Variants in COL19A1 observed in about 807,000 individuals in gnomAD.
The protein encoded by COL19A1 is collagen alpha-1(XIX) chain.
Under a neutral mutation model 190.2 loss-of-function variants are expected in COL19A1, and 159 were observed. That is an observed-to-expected ratio of 0.84 (90% CI 0.73 to 0.95). COL19A1 has a LOEUF of 0.95. Ranked by LOEUF, COL19A1 falls within the 40% of genes least tolerant of loss-of-function variation. The pLI is 0.00. For missense variants in COL19A1, 1,418 were observed against 1,431.9 expected (o/e 0.99, Z 0.16); for synonymous variants, 509 against 458.9 (o/e 1.11, Z -1.39).
intron 11 of COL19A1, among the ~76,000 whole-genome samples, chr6:70,007,240 T>TAATATCC (rs1777690938): frequency 6.6e-6 from 1 of 152,260 alleles, no homozygotes; most frequent in East Asian, 1.9e-4. Flanking sequence ...TATCAATAAT[T>TAATATCC]ACATTAAATG....
At chr6:70,018,563 G>A in intron 11 of COL19A1, among the ~76,000 whole-genome samples, 1 of 152,068 alleles carries the variant, frequency 6.6e-6, no homozygotes, top group East Asian at 1.9e-4. Flanking sequence ...AAAAGTGAAG[G>A]CATTGGGGGC....
intron 36 of COL19A1, 85 bp from the exon 37 acceptor site, chr6:70,165,855 TG>T: frequency 8.2e-7 from 1 of 1,217,286 alleles, no homozygotes; most frequent in Non-Finnish European, 1.2e-6. Flanking sequence ...TTTCAGAAGA[TG>T]GCTCTGTGAT....
intron 49 of COL19A1, among the ~76,000 whole-genome samples, chr6:70,201,723 A>G (rs1284942523): frequency 6.6e-6 from 1 of 152,252 alleles, no homozygotes; most frequent in East Asian, 1.9e-4. Context: ...AAAAATTGCA[A>G]AACATAGAAT....
Position 70,068,468 on chromosome 6 carries a change from G to C in COL19A1, c.1216G>C (p.Gly406Arg), listed in dbSNP as rs1781375245. ...CCCCCAAGGTCCACCTGGAAAAGAG[G>C]GTCAGAGGGTAAGTAAAGCTGGAAC... ...QGPQGPPGKE[G>R]QRGRRGKTGP... The change falls in exon 15 of 51, where the codon GGT becomes CGT. Residue 406 changes from glycine to arginine, a missense_variant. Transcript: ENST00000620364. The C allele has an allele frequency of 6.3e-7, 1 of 1,597,576 alleles. No homozygotes were observed. Among genetic ancestry groups the C allele is most frequent in the East Asian group, 2.2e-5 (1 of 44,672 alleles).
At chr6:70,205,988 C>A (rs372149688) in intron 49 of COL19A1, among the ~76,000 whole-genome samples, 1 of 152,106 alleles carries the variant, frequency 6.6e-6, no homozygotes, top group African/African-American at 2.4e-5. Flanking sequence ...GATGTTTAAA[C>A]GTTACTTAGA....
chr6:70,177,286 A>C (rs369738296), intron 42 of COL19A1, among the ~76,000 whole-genome samples: 1 of 152,098 alleles, frequency 6.6e-6, no homozygotes, highest in East Asian at 1.9e-4. Flanking sequence ...CATTACAGGA[A>C]AGTCAATGGA....
Position 70,146,961 on chromosome 6 carries a change from A to G in COL19A1, c.1893+72A>G, listed in dbSNP as rs577468618. 6 of 1,342,992 alleles carry G rather than the reference A, an allele frequency of 4.5e-6. No individual in the cohort carries two copies. In the African/African-American group the frequency reaches 5.9e-5, roughly 13 times the overall value. 83.2% of individuals were successfully genotyped at this position (1,342,992 alleles called of 1,614,324 possible). A position where few individuals can be genotyped will look rare whatever the true frequency, so the allele number is the denominator to read the frequency against. On this transcript the variant is annotated intron_variant, in intron 27 of 50. Transcript: ENST00000620364. ...CAAAATCCAGTGTCAAATTTTAACA[A>G]GGAGAAAAGAATAGAAAGGTCAGAG...
At chr6:70,128,743 G>A (rs1785344974) in intron 17 of COL19A1, among the ~76,000 whole-genome samples, 1 of 152,202 alleles carries the variant, frequency 6.6e-6, no homozygotes, top group South Asian at 2.1e-4. Flanking sequence ...CAAAGTTCAG[G>A]AGAGTTTTTA....
At chr6:69,974,077 A>C (rs1420914577) in intron 11 of COL19A1, 2 of 152,158 alleles carry the variant, frequency 1.3e-5, no homozygotes. Context: ...AAAAAAAATC[A>C]TTGGTTTTTA....
intron 4 of COL19A1, among the ~76,000 whole-genome samples, chr6:69,913,962 A>G (rs1174292496): frequency 1.3e-5 from 2 of 152,116 alleles, no homozygotes; most frequent in East Asian, 3.9e-4. Context: ...AGGGTTAAAA[A>G]AAAAAAAACC....
intron 14 of COL19A1, among the ~76,000 whole-genome samples, chr6:70,039,603 A>G (rs1322833688): frequency 6.6e-6 from 1 of 152,218 alleles, no homozygotes; most frequent in African/African-American, 2.4e-5. Context: ...GAAGAGCTGA[A>G]CACTTTTTCC....
chr6:70,181,455 T>C (rs1186155622), intron 44 of COL19A1, among the ~76,000 whole-genome samples: 2 of 152,034 alleles, frequency 1.3e-5, no homozygotes, highest in African/African-American at 2.4e-5. Context: ...TTAGTTTCAT[T>C]CCCTGCCTCC....
chr6:70,160,265 G>A (rs961601335), intron 34 of COL19A1, among the ~76,000 whole-genome samples: 11 of 152,046 alleles, frequency 7.2e-5, no homozygotes, highest in African/African-American at 2.7e-4. Flanking sequence ...CAGCAGGAGA[G>A]AGAGCAAAGG....
intron 9 of COL19A1, among the ~76,000 whole-genome samples, chr6:69,952,640 A>G (rs1774190633): frequency 6.6e-6 from 1 of 151,968 alleles, no homozygotes; most frequent in Non-Finnish European, 1.5e-5. Flanking sequence ...TATGCTTTGT[A>G]TGATGGGTCT....
At chr6:70,055,023 C>T (rs1780412298) in intron 14 of COL19A1, among the ~76,000 whole-genome samples, 1 of 152,098 alleles carries the variant, frequency 6.6e-6, no homozygotes, top group Non-Finnish European at 1.5e-5. Flanking sequence ...CACATCATAA[C>T]AAACAACTAC....
intron 15 of COL19A1, chr6:70,098,444 T>C: frequency 1.9e-6 from 1 of 512,828 alleles, no homozygotes; most frequent in Non-Finnish European, 3.9e-6. Context: ...TGTTGTTCCT[T>C]CTCAGAATCC....
At chr6:70,001,285 T>A (rs1370387436) in intron 11 of COL19A1, among the ~76,000 whole-genome samples, 1 of 152,200 alleles carries the variant, frequency 6.6e-6, no homozygotes, top group Non-Finnish European at 1.5e-5. Context: ...TGTAGTATAG[T>A]TTGAAGTCAG....
At chr6:69,936,152 C>A (rs1299755920) in intron 7 of COL19A1, among the ~76,000 whole-genome samples, 1 of 152,024 alleles carries the variant, frequency 6.6e-6, no homozygotes, top group Non-Finnish European at 1.5e-5. Context: ...AAAAAATGTT[C>A]GTTGCTTTGT....
chr6:70,172,344 G>A (rs1765547771), intron 41 of COL19A1, among the ~76,000 whole-genome samples: 1 of 152,138 alleles, frequency 6.6e-6, no homozygotes, highest in Admixed American at 6.6e-5. Flanking sequence ...GTCCCCTCCA[G>A]TCTGGAGGAA....
Sources: allele counts gnomAD v4.1 joint callset (sites outside exome capture counted in the v4.1 genomes callset), GRCh38; gene constraint gnomAD v4.1.1; transcripts MANE v1.5; gene names NCBI Gene and HGNC (gene_info 2026-07-23, HGNC 2026-07-21).